The following LRRC71 variants were observed in gnomAD, a reference collection of about 807,000 sequenced individuals.
LRRC71 encodes leucine-rich repeat-containing protein 71.
A neutral mutation model predicts 66.6 loss-of-function variants in LRRC71; 54 were observed. That is an observed-to-expected ratio of 0.81 (90% CI 0.65 to 1.02). The LOEUF (loss-of-function observed/expected upper bound fraction) is 1.02, where lower values mean the gene tolerates loss of function less well. LRRC71 is among the 50% of genes least tolerant of loss of function. The probability of loss-of-function intolerance (pLI) is 0.00; values close to 1 mark genes in which losing one functional copy is unlikely to be tolerated. For missense variants in LRRC71, 724 were observed against 718.0 expected (o/e 1.01, Z -0.10); for synonymous variants, 323 against 303.9 (o/e 1.06, Z -0.65).
chr1:156,922,185 T>A lies in LRRC71; in HGVS notation c.160+1222T>A, dbSNP rs1652495934. 2.6e-5 allele frequency among the ~76,000 whole-genome samples: 4 copies of A among 152,090 alleles called. No individual in the cohort carries two copies. In the South Asian group the frequency reaches 8.3e-4, roughly 32 times the overall value. Reference sequence around the variant, plus strand: ...AAGTTGTGACTTTGGGAGCTGCTGATGTTCTGGCATAATTAAGTCCTGGCA... The same window carrying A: ...AAGTTGTGACTTTGGGAGCTGCTGAAGTTCTGGCATAATTAAGTCCTGGCA... On this transcript the variant is annotated intron_variant, in intron 1 of 14. Transcript: ENST00000337428.
At chr1:156,936,273 G>T, downstream of LRRC71, 2 of 735,112 alleles carry the variant, frequency 2.7e-6, no homozygotes, top group South Asian at 1.4e-5. Context: ...TATGTGCCTT[G>T]TCTTCCTGAG....
rs1652900289 is a variant in LRRC71, at chr1:156,924,566, C to G, written c.439+14C>G. 1 of 1,551,506 alleles carries G rather than the reference C, an allele frequency of 6.4e-7. No individual in the cohort carries two copies. The highest frequency in any genetic ancestry group is 8.7e-7 in the Non-Finnish European group (1 of 1,146,876). On this transcript the variant is annotated intron_variant, in intron 3 of 14. Coordinates refer to ENST00000337428, the MANE Select transcript of LRRC71 (RefSeq NM_144702.3). ...TCTACATCCGCGGTGAGCCCCGCTC[C>G]CCCCACCCGCCCCAGCTCCCTCCCG...
chr1:156,927,334 TC>T (rs1653354881), intron 6 of LRRC71, 64 bp downstream of exon 6: 2 of 1,574,922 alleles, frequency 1.3e-6, no homozygotes, highest in African/African-American at 2.7e-5. Context: ...CCATTTTTAG[TC>T]CCCGCCCTTC....
chr1:156,932,258 T>G, intron 13 of LRRC71, 166 bp from the exon 14 acceptor site: 1 of 666,484 alleles, frequency 1.5e-6, no homozygotes, highest in African/African-American at 1.8e-5. Flanking sequence ...AGATGGGGAG[T>G]GTGTGAGTAA....
chr1:156,936,687 T>C (rs1367598601), downstream of LRRC71: 1 of 1,096,110 alleles, frequency 9.1e-7, no homozygotes, highest in Non-Finnish European at 1.3e-6. Flanking sequence ...GCTGAGAGAA[T>C]GAACTCGTTT....
chr1:156,929,047 A>G (rs1232481871), intron 9 of LRRC71, among the ~76,000 whole-genome samples: 1 of 152,038 alleles, frequency 6.6e-6, no homozygotes, highest in African/African-American at 2.4e-5. Context: ...TAAGTCTGAG[A>G]CCCTGCCTCA....
intron 1 of LRRC71, among the ~76,000 whole-genome samples, chr1:156,922,644 T>C (rs954395487): frequency 1.3e-5 from 2 of 152,198 alleles, no homozygotes. Flanking sequence ...AGGCATGAAG[T>C]ACTACAGGGC....
downstream of LRRC71, among the ~76,000 whole-genome samples, chr1:156,933,360 A>G (rs2101671191): frequency 6.6e-6 from 1 of 152,234 alleles, no homozygotes; most frequent in South Asian, 2.1e-4. Context: ...AGGATTTGGG[A>G]TAGGGATTAG....
downstream of LRRC71, chr1:156,935,922 C>T: frequency 6.8e-7 from 1 of 1,469,948 alleles, no homozygotes; most frequent in Non-Finnish European, 9.2e-7. Context: ...TGTTGGGATC[C>T]CCCCTACCCT....
chr1:156,929,647 G>A lies in LRRC71; in HGVS notation c.1158G>A (p.Lys386=). Residue 386 remains lysine, a synonymous_variant, in exon 11 of 15, where the codon AAG becomes AAA. Coordinates refer to ENST00000337428, the MANE Select transcript of LRRC71 (RefSeq NM_144702.3). The part of the protein sequence containing the change: ...KKKEKSWELA[K]KEEKLGSGQS... Reference sequence around the variant, plus strand: ...CACATTCTCCACAGGAATTGGCCAAGAAAGAGGAGAAGTTGGGGTCTGGGC... The same window carrying A: ...CACATTCTCCACAGGAATTGGCCAAAAAAGAGGAGAAGTTGGGGTCTGGGC... 6.3e-7 allele frequency: 1 copy of A among 1,585,788 alleles called. No homozygotes were observed. The highest frequency in any genetic ancestry group is 2.3e-5 in the East Asian group (1 of 43,232).
rs1652830700 is a variant in LRRC71, at chr1:156,924,195, G to C, written c.310+97G>C. 3.9e-6 allele frequency: 5 copies of C among 1,267,318 alleles called. No homozygotes were observed. The South Asian group carries it at 5.7e-5, about 14-fold the overall frequency. 78.5% of individuals were successfully genotyped at this position (1,267,318 alleles called of 1,614,324 possible). ...GGGCCAAATGGAGGGACGCGGGGCG[G>C]TGTGTGTGTGTGAGTCGGCGGTATT... On this transcript the variant is annotated intron_variant, in intron 2 of 14. Coordinates refer to ENST00000337428, the MANE Select transcript of LRRC71 (RefSeq NM_144702.3).
rs1000356562 is a variant in LRRC71, at chr1:156,930,030, C to T, written c.1240+301C>T. Among the ~76,000 whole-genome samples the T allele has an allele frequency of 4.8e-5, 6 of 125,296 alleles. No individual in the cohort carries two copies. In the South Asian group the frequency reaches 8.0e-4, roughly 17 times the overall value. The allele number at this position is 125,296 out of a possible 152,430, so 82.2% of individuals were successfully genotyped here. ...AGCCATTTCTTTTTTCTTTTCTTTT[C>T]TTTTTCTTTCTTTCTCTTTCTTTCT... On this transcript the variant is annotated intron_variant, in intron 11 of 14. Transcript: ENST00000337428.
chr1:156,928,408 CTCT>C (rs1653664640), intron 9 of LRRC71, among the ~76,000 whole-genome samples: 1 of 34,486 alleles, frequency 2.9e-5, no homozygotes. Flanking sequence ...CTTCTTCTTC[CTCT>C]TATTCCTCCT....
At position 156,927,235 on chromosome 1, in the gene LRRC71, G is replaced by A. The variant is rs371375941; in HGVS notation, c.627G>A (p.Glu209=). The part of the protein sequence containing the change: ...KVSLEGNPLP[E]QSYHKLMALD... Reference sequence around the variant, plus strand: ...CTCTGGAGGGGAACCCACTGCCGGAGCAGTCCTATCACAAGCTCATGGCCT... The same window carrying A: ...CTCTGGAGGGGAACCCACTGCCGGAACAGTCCTATCACAAGCTCATGGCCT... The change falls in exon 6 of 15, where the codon GAG becomes GAA. Residue 209 remains glutamate (E), a synonymous_variant. Coordinates refer to ENST00000337428, the MANE Select transcript of LRRC71 (RefSeq NM_144702.3). 2 of 1,613,648 alleles carry A rather than the reference G, an allele frequency of 1.2e-6. No homozygotes were observed. Among genetic ancestry groups the A allele is most frequent in the Non-Finnish European group, 1.7e-6 (2 of 1,179,766 alleles).
At chr1:156,924,816 A>G in intron 4 of LRRC71, 98 bp downstream of exon 4, 7 of 1,474,146 alleles carry the variant, frequency 4.7e-6, no homozygotes, top group Non-Finnish European at 5.6e-6. Context: ...GACCCTGGCG[A>G]CGGTGGGGAG....
At position 156,930,551 on chromosome 1, in the gene LRRC71, G is replaced by A; in HGVS notation, c.1263G>A (p.Lys421=). The change falls in exon 12 of 15, where the codon AAG becomes AAA. Residue 421 remains lysine, a synonymous_variant. Coordinates refer to ENST00000337428, the MANE Select transcript of LRRC71 (RefSeq NM_144702.3). ...CAGAGGTAACCATCCCTGAACAGAA[G>A]CCAAGCAGGGCAAAAGGGATCAAGA... The part of the protein sequence containing the change: ...GKGKVTIPEQ[K]PSRAKGIKIG... The A allele has an allele frequency of 1.3e-6, 2 of 1,567,032 alleles. No individual in the cohort carries two copies. Among genetic ancestry groups the A allele is most frequent in the Non-Finnish European group, 1.7e-6 (2 of 1,155,786 alleles).
downstream of LRRC71, chr1:156,936,984 C>T: frequency 6.2e-7 from 1 of 1,614,020 alleles, no homozygotes; most frequent in Non-Finnish European, 8.5e-7. Flanking sequence ...TTGAGCAGCT[C>T]TCTGTGGGCC....
chr1:156,924,383 G>T, intron 2 of LRRC71, 41 bp from the exon 3 acceptor site: 1 of 1,538,312 alleles, frequency 6.5e-7, no homozygotes, highest in Admixed American at 2.0e-5. Flanking sequence ...GTGGGGCCCT[G>T]GAGGTGGCTG....
rs1410474508 is a variant in LRRC71 at position 156,932,502 on chromosome 1, G to C, written c.1520G>C (p.Ser507Thr). ...CAGATGCAGTTCTCCAAGGCCAAGA[G>C]TGCATCCAAGGGTCCAGTGGGGCTG... is the stretch of plus-strand genomic sequence containing the variant. ...QYQMQFSKAKSASKGPVGLLW... is the reference protein window; with the variant it reads ...QYQMQFSKAKTASKGPVGLLW... Residue 507 changes from serine to threonine, a missense_variant, in exon 14 of 15, where the codon AGT becomes ACT. Coordinates refer to ENST00000337428, the MANE Select transcript of LRRC71 (RefSeq NM_144702.3). 6.2e-7 allele frequency: 1 copy of C among 1,613,848 alleles called. No homozygotes were observed. Among genetic ancestry groups the C allele is most frequent in the Non-Finnish European group, 8.5e-7 (1 of 1,179,868 alleles).
Sources: allele counts gnomAD v4.1 joint callset (sites outside exome capture counted in the v4.1 genomes callset), GRCh38; gene constraint gnomAD v4.1.1; transcripts MANE v1.5; gene names NCBI Gene and HGNC (gene_info 2026-07-23, HGNC 2026-07-21).